ARHGAP26: variants seen among roughly 807,000 people sequenced by gnomAD.
ARHGAP26 encodes Rho GTPase activating protein 26.
In ARHGAP26, 38 loss-of-function variants were observed where a neutral mutation model predicts 104.8. The observed-to-expected ratio is 0.36, with a 90% CI of 0.28 to 0.48. The LOEUF (loss-of-function observed/expected upper bound fraction) is 0.48. Ranked by LOEUF, ARHGAP26 falls within the 20% of genes least tolerant of loss-of-function variation. The probability of loss-of-function intolerance (pLI) is 0.99; values close to 1 mark genes in which losing one functional copy is unlikely to be tolerated. For missense variants in ARHGAP26, 704 were observed against 947.9 expected (o/e 0.74, Z 3.38); for synonymous variants, 341 against 340.0 (o/e 1.00, Z -0.03).
At chr5:142,781,345 G>T (rs1195848116) in intron 1 of ARHGAP26, among the ~76,000 whole-genome samples, 1 of 145,652 alleles carries the variant, frequency 6.9e-6, no homozygotes, top group Non-Finnish European at 1.5e-5. Context: ...TTCAGAAATT[G>T]CAAGTTTGAT....
At chr5:142,915,420 A>C (rs534942545) in intron 10 of ARHGAP26, 5 of 150,126 alleles carry the variant, frequency 3.3e-5, no homozygotes, top group Non-Finnish European at 7.4e-5. Flanking sequence ...GTGCAGTAGC[A>C]TGATCTCGGC....
intron 12 of ARHGAP26, 30 bp downstream of exon 12, chr5:143,014,146 A>C: frequency 6.2e-7 from 1 of 1,613,436 alleles, no homozygotes; most frequent in Non-Finnish European, 8.5e-7. Flanking sequence ...AACCTTCTAC[A>C]GCCAGGGTTG....
intron 17 of ARHGAP26, chr5:143,103,363 A>G: frequency 2.8e-6 from 1 of 350,892 alleles, no homozygotes; most frequent in Non-Finnish European, 4.0e-6. Flanking sequence ...AAATTAGTTC[A>G]ACCATTGTGG....
intron 14 of ARHGAP26, among the ~76,000 whole-genome samples, chr5:143,050,839 A>C (rs775542151): frequency 1.1e-4 from 17 of 152,154 alleles, no homozygotes; most frequent in Non-Finnish European, 2.4e-4. Context: ...TACTAATCAC[A>C]ATCCTGAGTC....
chr5:142,824,356 C>T (rs1766791839), intron 1 of ARHGAP26, among the ~76,000 whole-genome samples: 1 of 152,106 alleles, frequency 6.6e-6, no homozygotes, highest in Non-Finnish European at 1.5e-5. Flanking sequence ...GAGGGTCGTC[C>T]CTATCAAACA....
At chr5:142,922,134 T>C (rs772686751) in intron 10 of ARHGAP26, 1 of 152,246 alleles carries the variant, frequency 6.6e-6, no homozygotes, top group Non-Finnish European at 1.5e-5. Flanking sequence ...TAAAGTGTTA[T>C]GCCCTCTCTT....
At chr5:143,190,368 G>A (rs181661640) in intron 20 of ARHGAP26, among the ~76,000 whole-genome samples, 9 of 152,236 alleles carry the variant, frequency 5.9e-5, no homozygotes, top group African/African-American at 1.7e-4. Flanking sequence ...AGTGCTGCAC[G>A]GGGCAGGGTG....
At chr5:143,152,251 T>C (rs1184894163) in intron 20 of ARHGAP26, among the ~76,000 whole-genome samples, 1 of 152,184 alleles carries the variant, frequency 6.6e-6, no homozygotes, top group African/African-American at 2.4e-5. Flanking sequence ...CCAATATAAA[T>C]ATTGGTTCAT....
chr5:142,896,057 CTGTTAGGTG>C (rs2152436452), intron 6 of ARHGAP26, among the ~76,000 whole-genome samples: 1 of 152,294 alleles, frequency 6.6e-6, no homozygotes, highest in South Asian at 2.1e-4. Context: ...TCCACAGGGT[CTGTTAGGTG>C]TGAGCAGCTA....
chr5:142,937,127 TA>T (rs1765537591), intron 11 of ARHGAP26, among the ~76,000 whole-genome samples: 1 of 152,122 alleles, frequency 6.6e-6, no homozygotes, highest in Non-Finnish European at 1.5e-5. Flanking sequence ...ATATATCCGA[TA>T]AGGGACTTAT....
rs146954969 is a variant in ARHGAP26, at chr5:143,054,469, A to G, written c.1316A>G (p.Asp439Gly). Residue 439 changes from aspartate to glycine, a missense_variant, in exon 15 of 23, where the codon GAT (aspartate) becomes GGT (glycine). Asp to Gly is a moderately conservative substitution (Grantham distance 94, BLOSUM62 -1). This residue lies in a region of ARHGAP26 where 287 missense variants were observed against 438.8 expected (regional missense o/e 0.65). Coordinates refer to ENST00000645722, the MANE Select transcript of ARHGAP26 (RefSeq NM_001135608.3). ...AAGACTGCTTCTGAGACAGAAACAG[A>G]TATCTGTGCTGAATGGGAGATAAAG... ...DPKTASETET[D>G]ICAEWEIKTI... 191 of 1,613,194 alleles carry G rather than the reference A, an allele frequency of 1.2e-4. No individual in the cohort carries two copies. The highest frequency in any genetic ancestry group is 1.7e-4 in the Admixed American group (10 of 59,834).
At chr5:142,933,085 A>G (rs1764940562) in intron 11 of ARHGAP26, among the ~76,000 whole-genome samples, 1 of 152,258 alleles carries the variant, frequency 6.6e-6, no homozygotes, top group African/African-American at 2.4e-5. Flanking sequence ...CTCCTGGGCT[A>G]AAATATAAGA....
chr5:142,941,875 A>G (rs1310827621), intron 11 of ARHGAP26, among the ~76,000 whole-genome samples: 1 of 152,214 alleles, frequency 6.6e-6, no homozygotes, highest in Non-Finnish European at 1.5e-5. Context: ...TGACTTATAT[A>G]TGTTGGTGGC....
chr5:142,936,635 T>C (rs1329550345), intron 11 of ARHGAP26, among the ~76,000 whole-genome samples: 1 of 152,176 alleles, frequency 6.6e-6, no homozygotes, highest in Non-Finnish European at 1.5e-5. Flanking sequence ...TTCTTTTTAG[T>C]GACAGTAATC....
chr5:143,076,484 C>T (rs544595507), intron 17 of ARHGAP26, among the ~76,000 whole-genome samples: 3 of 152,240 alleles, frequency 2.0e-5, no homozygotes, highest in African/African-American at 7.2e-5. Flanking sequence ...TTGCTATAAT[C>T]TTTCATGTAT....
At chr5:142,788,364 T>A (rs553973834) in intron 1 of ARHGAP26, among the ~76,000 whole-genome samples, 1 of 152,236 alleles carries the variant, frequency 6.6e-6, no homozygotes, top group South Asian at 2.1e-4. Context: ...CCCACCCCAT[T>A]TTTTTGTTGC....
chr5:142,851,099 T>G (rs1751416846), intron 1 of ARHGAP26, among the ~76,000 whole-genome samples: 2 of 145,366 alleles, frequency 1.4e-5, no homozygotes, highest in Non-Finnish European at 2.9e-5. Context: ...AAAATACATT[T>G]TTTTTTTTTT....
chr5:142,814,330 GT>G (rs750986254), intron 1 of ARHGAP26, among the ~76,000 whole-genome samples: 21 of 152,244 alleles, frequency 1.4e-4, no homozygotes, highest in Non-Finnish European at 2.8e-4. Context: ...TACAAGAGAG[GT>G]TTGGAATCTG....
intron 20 of ARHGAP26, among the ~76,000 whole-genome samples, chr5:143,162,865 G>T (rs148264362): frequency 6.6e-6 from 1 of 152,182 alleles, no homozygotes; most frequent in Non-Finnish European, 1.5e-5. Flanking sequence ...AGGGTACAGT[G>T]GCCCACACCT....
Sources: allele counts gnomAD v4.1 joint callset (sites outside exome capture counted in the v4.1 genomes callset), GRCh38; gene constraint gnomAD v4.1.1; regional missense constraint gnomAD v4.1.1; transcripts MANE v1.5; gene names NCBI Gene and HGNC (gene_info 2026-07-23, HGNC 2026-07-21).